NCMAP: variants seen among roughly 807,000 people sequenced by gnomAD.
The protein encoded by NCMAP is noncompact myelin-associated protein.
A neutral mutation model predicts 7.8 loss-of-function variants in NCMAP; 8 were observed. That is an observed-to-expected ratio of 1.02 (90% CI 0.60 to 1.84). The LOEUF (loss-of-function observed/expected upper bound fraction) is 1.84. NCMAP is among the 40% of genes most tolerant of loss of function. The pLI is 0.00. For missense variants in NCMAP, 112 were observed against 131.4 expected (o/e 0.85, Z 0.72); for synonymous variants, 41 against 52.9 (o/e 0.78, Z 0.98).
intron 3 of NCMAP, among the ~76,000 whole-genome samples, chr1:24,605,168 C>T (rs1226387226): frequency 4.0e-5 from 6 of 151,608 alleles, no homozygotes; most frequent in East Asian, 1.9e-4. Flanking sequence ...TTGAATTTTA[C>T]GGCATATTAA....
intron 1 of NCMAP, among the ~76,000 whole-genome samples, chr1:24,571,232 T>C (rs1313151894): frequency 6.6e-6 from 1 of 150,606 alleles, no homozygotes; most frequent in Non-Finnish European, 1.5e-5. Context: ...ATCCTAGCAC[T>C]TTGGGAGGCC....
At chr1:24,579,791 G>A (rs745649829) in intron 1 of NCMAP, among the ~76,000 whole-genome samples, 2 of 152,216 alleles carry the variant, frequency 1.3e-5, no homozygotes, top group Non-Finnish European at 2.9e-5. Context: ...GGCAGAGCTT[G>A]TCAACTAGCA....
intron 1 of NCMAP, among the ~76,000 whole-genome samples, chr1:24,584,146 C>T (rs1651816150): frequency 6.6e-6 from 1 of 152,184 alleles, no homozygotes; most frequent in South Asian, 2.1e-4. Flanking sequence ...CCCCGCCCCA[C>T]AGGGACAGCG....
chr1:24,598,109 A>G (rs1247746650), intron 2 of NCMAP, among the ~76,000 whole-genome samples: 1 of 152,120 alleles, frequency 6.6e-6, no homozygotes, highest in Non-Finnish European at 1.5e-5. Flanking sequence ...CCAGAACTAA[A>G]GTCTCCCCAA....
intron 1 of NCMAP, among the ~76,000 whole-genome samples, chr1:24,562,905 G>A (rs185223197): frequency 3.0e-4 from 46 of 152,344 alleles, no homozygotes; most frequent in African/African-American, 9.1e-4. Flanking sequence ...TTCCTGCCCT[G>A]GGGCTCATCC....
chr1:24,586,230 C>G (rs1651876848), intron 1 of NCMAP, among the ~76,000 whole-genome samples: 1 of 152,178 alleles, frequency 6.6e-6, no homozygotes, highest in Non-Finnish European at 1.5e-5. Flanking sequence ...GTCATGAGCC[C>G]CGAGACAATG....
chr1:24,557,140 G>A (rs1312938246), intron 1 of NCMAP, among the ~76,000 whole-genome samples: 1 of 152,126 alleles, frequency 6.6e-6, no homozygotes, highest in African/African-American at 2.4e-5. Flanking sequence ...ATGCCTATTT[G>A]GTTCACCCTT....
intron 1 of NCMAP, among the ~76,000 whole-genome samples, chr1:24,574,418 C>T (rs1480457396): frequency 6.6e-6 from 1 of 152,100 alleles, no homozygotes; most frequent in Non-Finnish European, 1.5e-5. Flanking sequence ...CGCGCCCGGC[C>T]AACGGGACTG....
Position 24,579,071 on chromosome 1 carries a change from T to A in NCMAP, c.-7-16353T>A, listed in dbSNP as rs183283885. 3.7e-3 allele frequency among the ~76,000 whole-genome samples: 570 copies of A among 152,258 alleles called. 2 individuals are homozygous for A. The highest frequency in any genetic ancestry group is 0.01 in the Middle Eastern group (3 of 294). Reference sequence around the variant, plus strand: ...CGGACCTCGGCATCTTCTTGCTCCTTCCTACTGGAGGCTGGAGCCCCTGGT... The same window carrying A: ...CGGACCTCGGCATCTTCTTGCTCCTACCTACTGGAGGCTGGAGCCCCTGGT... On this transcript the variant is annotated intron_variant, in intron 1 of 3. Transcript: ENST00000374392.
At chr1:24,602,016 G>A (rs1652513991) in intron 3 of NCMAP, among the ~76,000 whole-genome samples, 1 of 148,824 alleles carries the variant, frequency 6.7e-6, no homozygotes, top group Admixed American at 6.7e-5. Context: ...ACTCCATGCT[G>A]GGTGACGGAG....
At chr1:24,578,208 A>G (rs951361274) in intron 1 of NCMAP, among the ~76,000 whole-genome samples, 4 of 149,582 alleles carry the variant, frequency 2.7e-5, no homozygotes, top group African/African-American at 9.9e-5. Context: ...GTGAGCCAAG[A>G]TCATGCCATT....
chr1:24,561,385 T>A (rs1223358360), intron 1 of NCMAP, among the ~76,000 whole-genome samples: 1 of 152,154 alleles, frequency 6.6e-6, no homozygotes, highest in African/African-American at 2.4e-5. Context: ...GATATTTATA[T>A]GACTGCATGG....
At chr1:24,580,214 T>A (rs1651703106) in intron 1 of NCMAP, among the ~76,000 whole-genome samples, 1 of 152,242 alleles carries the variant, frequency 6.6e-6, no homozygotes, top group African/African-American at 2.4e-5. Flanking sequence ...GAAATGTGGC[T>A]AATGCAACGG....
chr1:24,586,108 A>T (rs1013024347), intron 1 of NCMAP, among the ~76,000 whole-genome samples: 2 of 152,314 alleles, frequency 1.3e-5, no homozygotes, highest in African/African-American at 4.8e-5. Context: ...CCCACGAGAC[A>T]GGGGCTGTTA....
At chr1:24,570,240 C>T (rs994336002) in intron 1 of NCMAP, among the ~76,000 whole-genome samples, 1 of 150,486 alleles carries the variant, frequency 6.6e-6, no homozygotes, top group Non-Finnish European at 1.5e-5. Flanking sequence ...GTCACCATGC[C>T]CAGGCTAGAA....
intron 1 of NCMAP, among the ~76,000 whole-genome samples, chr1:24,562,053 T>C (rs1651071025): frequency 6.6e-6 from 1 of 152,322 alleles, no homozygotes; most frequent in Non-Finnish European, 1.5e-5. Context: ...CCTTGCTGCT[T>C]TTTACCTCAA....
At chr1:24,599,608 T>C (rs1456978480) in intron 2 of NCMAP, among the ~76,000 whole-genome samples, 1 of 152,172 alleles carries the variant, frequency 6.6e-6, no homozygotes, top group Non-Finnish European at 1.5e-5. Context: ...GAAGGAGTCT[T>C]GCTCTGTCGC....
chr1:24,566,221 A>G (rs1264495795), intron 1 of NCMAP, among the ~76,000 whole-genome samples: 6 of 152,166 alleles, frequency 3.9e-5, no homozygotes, highest in Admixed American at 3.9e-4. Flanking sequence ...GGCTCAAGTG[A>G]TCCTCCCACT....
intron 1 of NCMAP, among the ~76,000 whole-genome samples, chr1:24,560,755 A>C (rs1651026769): frequency 1.3e-5 from 2 of 151,816 alleles, no homozygotes; most frequent in Admixed American, 6.6e-5. Context: ...TAGAAAAAAA[A>C]AAAAGCAGTT....
Sources: allele counts gnomAD v4.1 joint callset (sites outside exome capture counted in the v4.1 genomes callset), GRCh38; gene constraint gnomAD v4.1.1; transcripts MANE v1.5; gene names NCBI Gene and HGNC (gene_info 2026-07-23, HGNC 2026-07-21).